The following DCP1A variants were observed in gnomAD, a reference collection of about 807,000 sequenced individuals.
DCP1A encodes the protein decapping mRNA 1A.
A neutral mutation model predicts 58.0 loss-of-function variants in DCP1A; 20 were observed. The ratio of observed to expected loss-of-function variants is 0.34; its 90% CI spans 0.24 to 0.50. DCP1A has a LOEUF of 0.50. Among genes scored for constraint, DCP1A ranks in the 20% least tolerant of loss-of-function variants. The pLI is 0.98. For missense variants in DCP1A, 613 were observed against 712.2 expected, an observed-to-expected ratio of 0.86 and a Z score of 1.59; for synonymous variants, 285 against 275.1, an observed-to-expected ratio of 1.04 and a Z score of -0.36.
rs1159946279 is a variant in DCP1A, at chr3:53,342,377, AT to A, written c.177-107del. The A allele has an allele frequency of 1.3e-5, 11 of 837,070 alleles. No individual in the cohort carries two copies. The Admixed American group carries it at 1.4e-4, about 11-fold the overall frequency. The allele number at this position is 837,070 out of a possible 1,614,324, so 51.9% of individuals were successfully genotyped here. A position where few individuals can be genotyped will look rare whatever the true frequency, so the allele number is the denominator to read the frequency against. ...ATTTCAAAAAAGAATGCATTAGAAC[AT>A]TATACAATATTATCAGCACTTACAT... On this transcript the variant is annotated intron_variant, in intron 2 of 9. Transcript: ENST00000610213.
At chr3:53,318,363 A>G (rs1354512427) in intron 4 of DCP1A, among the ~76,000 whole-genome samples, 3 of 152,236 alleles carry the variant, frequency 2.0e-5, no homozygotes, top group Non-Finnish European at 2.9e-5. Flanking sequence ...CTGTTAAAAA[A>G]TTTAAGATTA....
rs1553685071 is a variant in DCP1A, at chr3:53,285,970, C to T, written c.*1610G>A. ...GCTTCCCTGAATTCTGCACAATTCA[C>T]ACATAATTAGGTAGACAGCAATAGA... is the stretch of plus-strand genomic sequence containing the variant. On this transcript the variant is annotated 3_prime_UTR_variant, in exon 10 of 10. Transcript: ENST00000610213. 2.0e-5 allele frequency: 3 copies of T among 152,174 alleles called. No individual in the cohort carries two copies. The highest frequency in any genetic ancestry group is 4.4e-5 in the Non-Finnish European group (3 of 68,032). The allele number at this position is 152,174 out of a possible 1,614,324, so 9.4% of individuals were successfully genotyped here. A position where few individuals can be genotyped will look rare whatever the true frequency, so the allele number is the denominator to read the frequency against.
rs1706622438 is a variant in DCP1A at position 53,286,057 on chromosome 3, A to G, written c.*1523T>C. The G allele has an allele frequency of 6.6e-6, 1 of 152,228 alleles. No homozygotes were observed. Among genetic ancestry groups the G allele is most frequent in the South Asian group, 2.1e-4 (1 of 4,830 alleles). The allele number at this position is 152,228 out of a possible 1,614,324, so 9.4% of individuals were successfully genotyped here. A position where few individuals can be genotyped will look rare whatever the true frequency, so the allele number is the denominator to read the frequency against. On this transcript the variant is annotated 3_prime_UTR_variant, in exon 10 of 10. Coordinates refer to ENST00000610213, the MANE Select transcript of DCP1A (RefSeq NM_018403.7). ...AGCATGTTTAGATCAACAAAAGCCA[A>G]TCATTCTTTATGCTAAAAACTAAGA...
intron 3 of DCP1A, among the ~76,000 whole-genome samples, chr3:53,331,504 T>G (rs1404270446): frequency 6.6e-6 from 1 of 152,256 alleles, no homozygotes; most frequent in East Asian, 1.9e-4. Context: ...AGTAACATGC[T>G]GTACAGGTTT....
chr3:53,342,446 C>T (rs782709642), intron 2 of DCP1A, among the ~76,000 whole-genome samples, 175 bp from the exon 3 acceptor site: 6 of 152,206 alleles, frequency 3.9e-5, no homozygotes, highest in South Asian at 4.1e-4. Flanking sequence ...CCTCCTCTGA[C>T]GAGAAGTCTC....
chr3:53,342,273 T>C lies in DCP1A; in HGVS notation c.177-2A>G. On this transcript the variant is annotated splice_acceptor_variant, in intron 2 of 9. Transcript: ENST00000610213. LOFTEE classifies it high-confidence loss of function. ...AAACCATGGTAAGGGGAAGCTGACC[T>C]TAGATTTAATAGAAGAAAAAAAAAT... 6.3e-7 allele frequency: 1 copy of C among 1,587,398 alleles called. No homozygotes were observed. Among genetic ancestry groups the C allele is most frequent in the Non-Finnish European group, 8.6e-7 (1 of 1,163,104 alleles).
rs781887764 is a variant in DCP1A, at chr3:53,295,558, CT to C, written c.625-2732del. On this transcript the variant is annotated intron_variant, in intron 6 of 9. Transcript: ENST00000610213. ...AATTACATCATCTTTCTTTTTCTTT[CT>C]CTTTTTTTTGAGACAGGGTCTCATT... Among the ~76,000 whole-genome samples, 38 of 152,244 alleles carry C rather than the reference CT, an allele frequency of 2.5e-4. No individual in the cohort carries two copies. In the Middle Eastern group the frequency reaches 0.01, roughly 41 times the overall value.
chr3:53,310,515 G>A (rs1277754770), intron 5 of DCP1A, among the ~76,000 whole-genome samples: 1 of 152,156 alleles, frequency 6.6e-6, no homozygotes, highest in African/African-American at 2.4e-5. Flanking sequence ...CAGAGCCCTG[G>A]ACTTACTAGG....
intron 8 of DCP1A, among the ~76,000 whole-genome samples, chr3:53,289,419 T>C (rs1350300124): frequency 6.6e-6 from 1 of 151,818 alleles, no homozygotes; most frequent in African/African-American, 2.4e-5. Flanking sequence ...AAGACCAGCC[T>C]GATCAACATG....
At chr3:53,314,667 CTTTTTTTTTTTTT>C (rs1167830951) in intron 4 of DCP1A, among the ~76,000 whole-genome samples, 1 of 86,722 alleles carries the variant, frequency 1.2e-5, no homozygotes, top group Non-Finnish European at 2.1e-5. Flanking sequence ...TTTTCTTTTT[CTTTTTTTTTTTTT>C]TTTTTTTTTG....
intron 6 of DCP1A, among the ~76,000 whole-genome samples, chr3:53,301,322 A>G (rs1438509532): frequency 6.6e-6 from 1 of 151,476 alleles, no homozygotes; most frequent in Non-Finnish European, 1.5e-5. Flanking sequence ...CCCAGGCTGG[A>G]GTGCAATGGC....
At chr3:53,299,498 T>A (rs1276607868) in intron 6 of DCP1A, among the ~76,000 whole-genome samples, 1 of 152,198 alleles carries the variant, frequency 6.6e-6, no homozygotes, top group African/African-American at 2.4e-5. Flanking sequence ...TCACTCCTCA[T>A]CCCACGGAGA....
chr3:53,337,306 A>G (rs1030231327), intron 3 of DCP1A, among the ~76,000 whole-genome samples: 6 of 152,234 alleles, frequency 3.9e-5, no homozygotes, highest in Non-Finnish European at 8.8e-5. Context: ...TACTATCAGA[A>G]GGGATAGGAA....
At chr3:53,342,053 T>G (rs2089214258) in intron 3 of DCP1A, 91 bp downstream of exon 3, 2 of 1,158,858 alleles carry the variant, frequency 1.7e-6, no homozygotes, top group Admixed American at 2.4e-5. Context: ...TATTTTGTTT[T>G]GTAATTTGAA....
chr3:53,317,198 T>G (rs1429761902), intron 4 of DCP1A, among the ~76,000 whole-genome samples: 3 of 152,094 alleles, frequency 2.0e-5, no homozygotes, highest in African/African-American at 7.2e-5. Context: ...AAAGTTTCAC[T>G]CTTGTTGCCC....
At chr3:53,335,216 C>T (rs1311972828) in intron 3 of DCP1A, among the ~76,000 whole-genome samples, 1 of 152,080 alleles carries the variant, frequency 6.6e-6, no homozygotes, top group African/African-American at 2.4e-5. Context: ...TCCCGGCTCA[C>T]TGCAACCTCC....
intron 5 of DCP1A, among the ~76,000 whole-genome samples, chr3:53,310,108 G>C (rs921729899): frequency 6.6e-6 from 1 of 152,212 alleles, no homozygotes; most frequent in African/African-American, 2.4e-5. Flanking sequence ...ATTGCAGACA[G>C]TTTTCAAAAT....
Position 53,292,643 on chromosome 3 carries a change from T to G in DCP1A, c.809A>C (p.Gln270Pro), listed in dbSNP as rs536298652. ...AGAAGGGACACCCAGGGTTTCTGAT[T>G]GAGGGGCTCCTCCTAACTGCTCAAA... ...FPFEQLGGAP[Q>P]SETLGVPSAA... is the part of the protein sequence containing the mutation. Residue 270 changes from glutamine to proline, a missense_variant, in exon 7 of 10, where the codon CAA becomes CCA. This residue lies in a region of DCP1A where 498 missense variants were observed against 556.7 expected (regional missense o/e 0.89). Coordinates refer to ENST00000610213, the MANE Select transcript of DCP1A (RefSeq NM_018403.7). 6.2e-7 allele frequency: 1 copy of G among 1,613,738 alleles called. No homozygotes were observed. The highest frequency in any genetic ancestry group is 2.2e-5 in the East Asian group (1 of 44,862).
intron 8 of DCP1A, among the ~76,000 whole-genome samples, chr3:53,289,754 T>C (rs974676347): frequency 6.6e-6 from 1 of 152,236 alleles, no homozygotes; most frequent in Non-Finnish European, 1.5e-5. Flanking sequence ...CAGCTAATTA[T>C]CTGAATACAT....
Sources: gnomAD v4.1 joint callset for allele counts (sites outside exome capture counted in the v4.1 genomes callset) on GRCh38, gnomAD v4.1.1 for gene constraint, gnomAD v4.1.1 regional missense constraint, MANE v1.5 for transcripts, NCBI Gene and HGNC (gene_info 2026-07-23, HGNC 2026-07-21) for gene names.